Variants in SLC39A11 observed in about 807,000 individuals in gnomAD.
SLC39A11 encodes the protein zinc transporter ZIP11.
A neutral mutation model predicts 36.1 loss-of-function variants in SLC39A11; 33 were observed. The observed-to-expected ratio is 0.91, with a 90% CI of 0.69 to 1.22. The LOEUF (loss-of-function observed/expected upper bound fraction) is 1.22. SLC39A11 is among the 50% of genes most tolerant of loss of function. The probability of loss-of-function intolerance (pLI) is 0.00; values close to 1 mark genes in which losing one functional copy is unlikely to be tolerated. For synonymous variants in SLC39A11, 166 were observed against 170.3 expected (o/e 0.97, Z 0.20); for missense variants, 432 against 430.3 (o/e 1.00, Z -0.03).
At chr17:72,776,628 A>C (rs901095983) in intron 6 of SLC39A11, among the ~76,000 whole-genome samples, 1 of 150,042 alleles carries the variant, frequency 6.7e-6, no homozygotes, top group African/African-American at 2.4e-5. Flanking sequence ...AAAAAAAAAA[A>C]ACAGAAGACA....
rs2074153210 is a variant in SLC39A11 at position 72,730,064 on chromosome 17, CG to C, written c.671+6585del. Among the ~76,000 whole-genome samples the C allele has an allele frequency of 2.0e-5, 3 of 152,282 alleles. No individual in the cohort carries two copies. In the South Asian group the frequency reaches 6.2e-4, roughly 32 times the overall value. ...CTCTAATCCATTTTAGGAACCCTCA[CG>C]TGGCTTGAAATGAACGTAAGCTTTC... On this transcript the variant is annotated intron_variant, in intron 7 of 9. Coordinates refer to ENST00000255559, the MANE Select transcript of SLC39A11 (RefSeq NM_139177.4).
intron 6 of SLC39A11, among the ~76,000 whole-genome samples, chr17:72,769,637 T>C (rs928627707): frequency 7.2e-5 from 11 of 151,984 alleles, no homozygotes; most frequent in Non-Finnish European, 1.3e-4. Flanking sequence ...CTCCCCCTCC[T>C]GGGTTCAAGT....
chr17:72,692,618 C>T (rs2072088601), intron 7 of SLC39A11, among the ~76,000 whole-genome samples: 1 of 152,300 alleles, frequency 6.6e-6, no homozygotes, highest in African/African-American at 2.4e-5. Context: ...TGCTATCATT[C>T]AATTACCTCC....
At chr17:72,816,831 C>T (rs1264295824) in intron 6 of SLC39A11, among the ~76,000 whole-genome samples, 1 of 152,102 alleles carries the variant, frequency 6.6e-6, no homozygotes, top group Admixed American at 6.5e-5. Context: ...AGCCCAGGCC[C>T]AAGCTTAATG....
chr17:72,692,057 C>T (rs1244542304), intron 7 of SLC39A11, among the ~76,000 whole-genome samples: 1 of 150,550 alleles, frequency 6.6e-6, no homozygotes, highest in Admixed American at 6.6e-5. Context: ...GTCACTCAGG[C>T]TGGAGTGCAG....
chr17:72,912,608 G>A (rs1168512564), intron 5 of SLC39A11, among the ~76,000 whole-genome samples: 1 of 151,774 alleles, frequency 6.6e-6, no homozygotes, highest in Non-Finnish European at 1.5e-5. Flanking sequence ...CATTAAAGGT[G>A]CAAGACAGGA....
chr17:72,966,059 C>G (rs1396763395), intron 4 of SLC39A11, among the ~76,000 whole-genome samples: 1 of 152,216 alleles, frequency 6.6e-6, no homozygotes, highest in African/African-American at 2.4e-5. Flanking sequence ...GGAAAAGAGC[C>G]CTTGGCTGCA....
intron 3 of SLC39A11, among the ~76,000 whole-genome samples, chr17:73,049,065 G>A (rs779701099): frequency 1.3e-5 from 2 of 152,248 alleles, no homozygotes; most frequent in Non-Finnish European, 2.9e-5. Flanking sequence ...CTATGTATAA[G>A]TGAGCTGCTA....
chr17:72,691,332 G>A (rs140100046), intron 7 of SLC39A11, among the ~76,000 whole-genome samples: 52 of 152,100 alleles, frequency 3.4e-4, no homozygotes, highest in African/African-American at 1.1e-3. Context: ...GTTTCTTTCC[G>A]TGTCAAGTGT....
At chr17:72,865,145 C>A (rs1381767893) in intron 5 of SLC39A11, among the ~76,000 whole-genome samples, 1 of 151,932 alleles carries the variant, frequency 6.6e-6, no homozygotes, top group Non-Finnish European at 1.5e-5. Flanking sequence ...GAAACCGGAG[C>A]CTTAAACACC....
chr17:72,808,837 T>C (rs1032167498), intron 6 of SLC39A11, among the ~76,000 whole-genome samples: 2 of 151,974 alleles, frequency 1.3e-5, no homozygotes, highest in African/African-American at 4.8e-5. Context: ...TCCACACCTC[T>C]ATGATTTCAT....
intron 5 of SLC39A11, among the ~76,000 whole-genome samples, chr17:72,933,711 G>C (rs1448998749): frequency 6.6e-6 from 1 of 152,074 alleles, no homozygotes; most frequent in African/African-American, 2.4e-5. Flanking sequence ...GTAAAGATGG[G>C]GTTTCACCAT....
intron 7 of SLC39A11, among the ~76,000 whole-genome samples, chr17:72,689,847 G>A (rs944003169): frequency 4.6e-5 from 7 of 152,204 alleles, no homozygotes; most frequent in African/African-American, 1.4e-4. Context: ...TTGGGGTGAT[G>A]AAAACATTTT....
In SLC39A11 at chr17:72,937,780, G is replaced by A. The variant is rs149335865; in HGVS notation, c.430+9972C>T. ...AACCAATTCACTAAGATTGACTTGA[G>A]CAAACCTCACCAAGGCAGAAACCGC... On this transcript the variant is annotated intron_variant, in intron 5 of 9. Coordinates refer to ENST00000255559, the MANE Select transcript of SLC39A11 (RefSeq NM_139177.4). Among the ~76,000 whole-genome samples, 171 of 152,304 alleles carry A rather than the reference G, an allele frequency of 1.1e-3. 1 individual carries two copies. Among genetic ancestry groups the A allele is most frequent in the African/African-American group, 4.0e-3 (165 of 41,562 alleles).
intron 6 of SLC39A11, among the ~76,000 whole-genome samples, chr17:72,789,545 G>A (rs207476578): frequency 6.6e-6 from 1 of 152,200 alleles, no homozygotes; most frequent in African/African-American, 2.4e-5. Flanking sequence ...TAACTCGGAA[G>A]ATAATAGCCA....
intron 5 of SLC39A11, among the ~76,000 whole-genome samples, chr17:72,864,610 C>G (rs1217799480): frequency 6.6e-6 from 1 of 152,166 alleles, no homozygotes; most frequent in Non-Finnish European, 1.5e-5. Context: ...CACTATTTCT[C>G]CATTCTGCAA....
chr17:72,763,877 G>A (rs1052097879), intron 6 of SLC39A11, among the ~76,000 whole-genome samples: 6 of 152,078 alleles, frequency 3.9e-5, no homozygotes, highest in Non-Finnish European at 7.4e-5. Context: ...TGAAGCTAAC[G>A]GTCAGTGCCC....
At position 73,055,784 on chromosome 17, in the gene SLC39A11, G is replaced by A. The variant is rs2059645629; in HGVS notation, c.148-24070C>T. On this transcript the variant is annotated intron_variant, in intron 3 of 9. Coordinates refer to ENST00000255559, the MANE Select transcript of SLC39A11 (RefSeq NM_139177.4). ...AATCTTAATCAATCATAGCAGCTGA[G>A]CGTCAGTCAATCATAGGCAGCCAGC... 2.0e-5 allele frequency among the ~76,000 whole-genome samples: 3 copies of A among 152,050 alleles called. No individual in the cohort carries two copies. The South Asian group carries it at 6.2e-4, about 32-fold the overall frequency.
At chr17:72,757,339 G>A (rs2075395088) in intron 6 of SLC39A11, among the ~76,000 whole-genome samples, 1 of 152,146 alleles carries the variant, frequency 6.6e-6, no homozygotes, top group South Asian at 2.1e-4. Flanking sequence ...CAATGACCCT[G>A]AAGATGGTGG....
Sources: allele counts gnomAD v4.1 joint callset (sites outside exome capture counted in the v4.1 genomes callset), GRCh38; gene constraint gnomAD v4.1.1; transcripts MANE v1.5; gene names NCBI Gene and HGNC (gene_info 2026-07-23, HGNC 2026-07-21).